Variants in NTRK2 observed in about 807,000 individuals in gnomAD.
NTRK2 encodes neurotrophic receptor tyrosine kinase 2.
A neutral mutation model predicts 94.5 loss-of-function variants in NTRK2; 13 were observed. The ratio of observed to expected loss-of-function variants is 0.14; its 90% CI spans 0.09 to 0.22. NTRK2 has a LOEUF of 0.22. Ranked by LOEUF, NTRK2 falls within the 10% of genes least tolerant of loss-of-function variation. The pLI is 1.00. For missense variants in NTRK2, 639 were observed against 1,071.2 expected, an observed-to-expected ratio of 0.60 and a Z score of 5.63; for synonymous variants, 372 against 407.4, an observed-to-expected ratio of 0.91 and a Z score of 1.05.
chr9:84,810,982 T>TA (rs903841770), intron 12 of NTRK2: 61 of 1,111,460 alleles, frequency 5.5e-5, no homozygotes, highest in Admixed American at 3.1e-4. Context: ...CCTGCAAAGT[T>TA]AAAAAAAAAT....
Position 84,934,270 on chromosome 9 carries a change from A to G in NTRK2, c.1742A>G (p.Asp581Gly), listed in dbSNP as rs778882958. ...TGCTATAACCTCTGTCCTGAGCAGG[A>G]CAAGATCTTGGTGGCAGTGAAGGTA... is the stretch of plus-strand genomic sequence containing the variant. ...AECYNLCPEQ[D>G]KILVAVKTLK... The change falls in exon 15 of 19, where the codon GAC (aspartate) becomes GGC (glycine). Residue 581 changes from aspartate (D) to glycine (G), a missense_variant. Around this residue, in one of 5 missense-constraint regions of NTRK2, gnomAD observed 343 missense variants for 571.5 expected, o/e 0.60. Transcript: ENST00000277120. 1 of 1,613,972 alleles carries G rather than the reference A, an allele frequency of 6.2e-7. No individual in the cohort carries two copies.
At chr9:84,697,250 TGG>T (rs2060439748) in intron 2 of NTRK2, among the ~76,000 whole-genome samples, 1 of 152,258 alleles carries the variant, frequency 6.6e-6, no homozygotes, top group South Asian at 2.1e-4. Flanking sequence ...GAAAACTCCG[TGG>T]ACCTCGTGAG....
intron 14 of NTRK2, among the ~76,000 whole-genome samples, chr9:84,892,970 C>T (rs1036914408): frequency 1.3e-5 from 2 of 151,630 alleles, no homozygotes; most frequent in African/African-American, 4.8e-5. Context: ...TTCTTTCCTT[C>T]CTTCTTTCCT....
intron 14 of NTRK2, among the ~76,000 whole-genome samples, chr9:84,917,448 T>A (rs2077428133): frequency 6.6e-6 from 1 of 152,182 alleles, no homozygotes; most frequent in Admixed American, 6.5e-5. Flanking sequence ...GACAGCTGCA[T>A]GGCATGGAGC....
chr9:84,882,816 C>T (rs946022909), intron 14 of NTRK2, among the ~76,000 whole-genome samples: 3 of 152,136 alleles, frequency 2.0e-5, no homozygotes, highest in African/African-American at 4.8e-5. Flanking sequence ...GTCGCCCAGG[C>T]TGGAGTTCGC....
intron 17 of NTRK2, among the ~76,000 whole-genome samples, chr9:84,970,518 T>C (rs1225119589): frequency 6.6e-6 from 1 of 152,210 alleles, no homozygotes; most frequent in Non-Finnish European, 1.5e-5. Flanking sequence ...GCTGTCATTA[T>C]TGTAACTATC....
intron 14 of NTRK2, among the ~76,000 whole-genome samples, chr9:84,899,459 T>C (rs2076861357): frequency 6.6e-6 from 1 of 152,230 alleles, no homozygotes; most frequent in Non-Finnish European, 1.5e-5. Flanking sequence ...TCCTTTACTT[T>C]TTTTCTCTCT....
Position 84,670,471 on chromosome 9 carries a change from G to A in NTRK2, c.-278G>A, listed in dbSNP as rs201856359. On this transcript the variant is annotated 5_prime_UTR_variant, in exon 2 of 19. Transcript: ENST00000277120. ...GCCGCCGGTCGGTGCCCGGCGCGCC[G>A]GGCCATGCAGCGACGGCCGCCGCGG... 1.5e-5 allele frequency: 7 copies of A among 481,108 alleles called. No homozygotes were observed. The highest frequency in any genetic ancestry group is 2.6e-5 in the Non-Finnish European group (7 of 265,258). 29.8% of individuals were successfully genotyped at this position (481,108 alleles called of 1,614,324 possible). A position where few individuals can be genotyped will look rare whatever the true frequency, so the allele number is the denominator to read the frequency against.
At position 84,758,384 on chromosome 9, in the gene NTRK2, A is replaced by AATT. The variant is rs568926300; in HGVS notation, c.1396+6321_1396+6323dup. On this transcript the variant is annotated intron_variant, in intron 12 of 18. Coordinates refer to ENST00000277120, the MANE Select transcript of NTRK2 (RefSeq NM_006180.6). ...AAACTTAGCCCTTTAGTCTTTTTGT[A>AATT]ATTATTATTATTATTATTATTATTG... Among the ~76,000 whole-genome samples the AATT allele has an allele frequency of 8.5e-3, 1,288 of 150,722 alleles. 22 individuals are homozygous for AATT. Among genetic ancestry groups the AATT allele is most frequent in the African/African-American group, 0.028 (1,134 of 41,152 alleles).
At chr9:84,881,490 G>A (rs1373349141) in intron 14 of NTRK2, among the ~76,000 whole-genome samples, 3 of 152,172 alleles carry the variant, frequency 2.0e-5, no homozygotes, top group East Asian at 1.9e-4. Flanking sequence ...TCTGTTCAAC[G>A]AACAAACAAG....
chr9:84,843,281 T>C (rs1324005985), intron 12 of NTRK2, among the ~76,000 whole-genome samples: 6 of 152,194 alleles, frequency 3.9e-5, no homozygotes, highest in East Asian at 1.9e-4. Context: ...GGATGCCTTG[T>C]AAAGTGAATG....
At chr9:84,870,812 C>G (rs972307708) in intron 14 of NTRK2, among the ~76,000 whole-genome samples, 2 of 152,092 alleles carry the variant, frequency 1.3e-5, no homozygotes, top group Admixed American at 1.3e-4. Context: ...CTTATGGATC[C>G]AACAGAGACT....
chr9:84,684,839 C>T (rs1249891785), intron 2 of NTRK2, among the ~76,000 whole-genome samples: 2 of 151,810 alleles, frequency 1.3e-5, no homozygotes, highest in Non-Finnish European at 1.5e-5. Context: ...GAATTGATGG[C>T]CTTTTCAAAA....
At chr9:84,987,876 A>G (rs911893622) in intron 17 of NTRK2, among the ~76,000 whole-genome samples, 1 of 152,174 alleles carries the variant, frequency 6.6e-6, no homozygotes, top group African/African-American at 2.4e-5. Context: ...TTAATTAGTG[A>G]TATATATATT....
chr9:84,899,239 G>A (rs539212219), intron 14 of NTRK2, among the ~76,000 whole-genome samples: 2 of 152,234 alleles, frequency 1.3e-5, no homozygotes, highest in East Asian at 3.9e-4. Context: ...ATTTGCTTCA[G>A]AAAATTTGAA....
At chr9:84,786,698 G>C (rs772818880) in intron 12 of NTRK2, among the ~76,000 whole-genome samples, 3 of 152,126 alleles carry the variant, frequency 2.0e-5, no homozygotes, top group Non-Finnish European at 2.9e-5. Flanking sequence ...TTCAGAGGAA[G>C]GCTTTATGTT....
At chr9:84,937,985 C>G (rs2078269317) in intron 15 of NTRK2, among the ~76,000 whole-genome samples, 1 of 152,050 alleles carries the variant, frequency 6.6e-6, no homozygotes, top group African/African-American at 2.4e-5. Context: ...TTTCTAGAAA[C>G]ATAAAATGCT....
chr9:84,840,399 C>T (rs927373816), intron 12 of NTRK2, among the ~76,000 whole-genome samples: 4 of 151,692 alleles, frequency 2.6e-5, no homozygotes, highest in Non-Finnish European at 5.9e-5. Flanking sequence ...GAAGAAAACA[C>T]CCACAAGCCT....
intron 12 of NTRK2, among the ~76,000 whole-genome samples, chr9:84,760,971 A>G (rs574280755): frequency 1.3e-5 from 2 of 152,350 alleles, no homozygotes; most frequent in South Asian, 4.1e-4. Flanking sequence ...TTCCTTATGC[A>G]ATAGATTGTC....
Sources: allele counts gnomAD v4.1 joint callset (sites outside exome capture counted in the v4.1 genomes callset), GRCh38; gene constraint gnomAD v4.1.1; regional missense constraint gnomAD v4.1.1; transcripts MANE v1.5; gene names NCBI Gene and HGNC (gene_info 2026-07-23, HGNC 2026-07-21).